Variants in TNRC6B observed in about 807,000 individuals in gnomAD.
TNRC6B encodes trinucleotide repeat-containing gene 6B protein.
TNRC6B carries 52 observed loss-of-function variants against 203.6 expected under a neutral mutation model. The ratio of observed to expected loss-of-function variants is 0.26; its 90% confidence interval spans 0.20 to 0.32. The LOEUF (loss-of-function observed/expected upper bound fraction) is 0.32, where lower values mean the gene tolerates loss of function less well. TNRC6B is among the 10% of genes least tolerant of loss of function. The pLI is 1.00. For synonymous variants in TNRC6B, 838 were observed against 845.7 expected (o/e 0.99, Z 0.16); for missense variants, 1,923 against 2,286.2 (o/e 0.84, Z 3.24).
At chr22:40,273,668 G>C in intron 7 of TNRC6B, 68 bp downstream of exon 7, 2 of 1,442,654 alleles carry the variant, frequency 1.4e-6, no homozygotes, top group South Asian at 2.9e-5. Flanking sequence ...GTTTTGTTTT[G>C]TTTGTTTTTG....
intron 12 of TNRC6B, among the ~76,000 whole-genome samples, chr22:40,290,387 TG>T (rs1299150249): frequency 3.3e-5 from 5 of 152,230 alleles, no homozygotes; most frequent in South Asian, 2.1e-4. Flanking sequence ...CCCTCGTGGC[TG>T]GTTCTCTCGC....
At chr22:40,045,144 C>T (rs1231026917) in intron 1 of TNRC6B, 1 of 144,334 alleles carries the variant, frequency 6.9e-6, no homozygotes, top group Non-Finnish European at 1.5e-5. Context: ...GTGTGCGTGT[C>T]CTCGCGAGGG....
At position 40,331,692 on chromosome 22, in the gene TNRC6B, T is replaced by A. The variant is rs906148657; in HGVS notation, c.*8451T>A. 7 of 289,686 alleles carry A rather than the reference T, an allele frequency of 2.4e-5. No homozygotes were observed. The highest frequency in any genetic ancestry group is 1.8e-4 in the Admixed American group (3 of 17,062). The allele number at this position is 289,686 out of a possible 1,614,324, so 17.9% of individuals were successfully genotyped here. ...TTTTCAAAAAAAAAAGTCCCACATGTGGTCATCGTCGCTTCTTTATGTTGT... is the reference window on the plus strand; with the variant it reads ...TTTTCAAAAAAAAAAGTCCCACATGAGGTCATCGTCGCTTCTTTATGTTGT... On this transcript the variant is annotated 3_prime_UTR_variant, in exon 23 of 23. Coordinates refer to ENST00000454349, the MANE Select transcript of TNRC6B (RefSeq NM_001162501.2).
intron 1 of TNRC6B, among the ~76,000 whole-genome samples, chr22:40,199,647 C>T (rs1386436326): frequency 1.3e-5 from 2 of 152,042 alleles, no homozygotes; most frequent in Non-Finnish European, 1.5e-5. Flanking sequence ...ATTCTGACCT[C>T]GATCTTTTTA....
chr22:40,087,822 G>A (rs1014707955), intron 1 of TNRC6B, among the ~76,000 whole-genome samples: 2 of 152,118 alleles, frequency 1.3e-5, no homozygotes, highest in Non-Finnish European at 2.9e-5. Context: ...AGCTGGAGAT[G>A]TAGGCAGGGC....
chr22:40,139,396 A>G (rs1039927571), intron 3 of TNRC6B, among the ~76,000 whole-genome samples: 1 of 144,076 alleles, frequency 6.9e-6, no homozygotes, highest in Non-Finnish European at 1.5e-5. Context: ...CAGTGGTGCG[A>G]TCCTGGCTAA....
At chr22:40,263,303 G>T (rs1030406431) in intron 4 of TNRC6B, among the ~76,000 whole-genome samples, 1 of 152,200 alleles carries the variant, frequency 6.6e-6, no homozygotes, top group African/African-American at 2.4e-5. Flanking sequence ...CCATCTTGCT[G>T]TGTGCAGAGT....
At chr22:40,313,748 C>A (rs2071219926) in intron 19 of TNRC6B, among the ~76,000 whole-genome samples, 1 of 152,246 alleles carries the variant, frequency 6.6e-6, no homozygotes, top group Non-Finnish European at 1.5e-5. Flanking sequence ...TCCTTCCCAC[C>A]TCTCTGTCAT....
chr22:40,184,277 G>T (rs969008533), intron 1 of TNRC6B, among the ~76,000 whole-genome samples: 1 of 152,172 alleles, frequency 6.6e-6, no homozygotes, highest in African/African-American at 2.4e-5. Flanking sequence ...GATGCAAGGG[G>T]CTGGCTGGTG....
In TNRC6B at chr22:40,178,630, TAG is replaced by T. The variant is rs555774252; in HGVS notation, c.5+496_5+497del. Among the ~76,000 whole-genome samples the T allele has an allele frequency of 8.5e-5, 13 of 152,306 alleles. No homozygotes were observed. The East Asian group carries it at 2.5e-3, about 29-fold the overall frequency. On this transcript the variant is annotated intron_variant, in intron 1 of 22. Coordinates refer to ENST00000454349, the MANE Select transcript of TNRC6B (RefSeq NM_001162501.2). ...ATTTTTTAAACTGGGCCCTCCTTCCTAGAGAGATGTAAAACCTAAAGTAAGAC... is the reference window on the plus strand; with the variant it reads ...ATTTTTTAAACTGGGCCCTCCTTCCTAGAGATGTAAAACCTAAAGTAAGAC...
chr22:40,170,365 TTTATATATATA>T (rs1376879872), intron 4 of TNRC6B, among the ~76,000 whole-genome samples: 1 of 80,012 alleles, frequency 1.2e-5, no homozygotes, highest in Non-Finnish European at 2.2e-5. Context: ...ATGTATATAG[TTTATATATATA>T]TTATATATAT....
At chr22:40,068,728 A>G (rs76056987) in intron 1 of TNRC6B, among the ~76,000 whole-genome samples, 1,862 of 152,026 alleles carry the variant, frequency 0.012, 45 homozygotes, top group African/African-American at 0.043. Context: ...AGTAAAAGGA[A>G]GGTTACAACA....
rs1439607030 is a variant in TNRC6B at position 40,330,126 on chromosome 22, A to C, written c.*6885A>C. ...ACTGTAAATCATTGCTTTGGAAATAAATTCCCAATTATAATTGACCCATAT... is the reference window on the plus strand; with the variant it reads ...ACTGTAAATCATTGCTTTGGAAATACATTCCCAATTATAATTGACCCATAT... On this transcript the variant is annotated 3_prime_UTR_variant, in exon 23 of 23. Transcript: ENST00000454349. 6.6e-6 allele frequency: 1 copy of C among 152,226 alleles called. No homozygotes were observed. The highest frequency in any genetic ancestry group is 2.4e-5 in the African/African-American group (1 of 41,448). 9.4% of individuals were successfully genotyped at this position (152,226 alleles called of 1,614,324 possible). A position where few individuals can be genotyped will look rare whatever the true frequency, so the allele number is the denominator to read the frequency against.
intron 7 of TNRC6B, among the ~76,000 whole-genome samples, chr22:40,275,959 CA>C (rs886303486): frequency 1.9e-4 from 26 of 136,040 alleles, no homozygotes; most frequent in African/African-American, 3.0e-4. Context: ...AACTCAGTCT[CA>C]AAAAAAAAAA....
At chr22:40,178,281 A>G (rs1007487922) in intron 1 of TNRC6B, 141 bp downstream of exon 1, 8 of 912,302 alleles carry the variant, frequency 8.8e-6, no homozygotes, top group Middle Eastern at 2.2e-4. Flanking sequence ...TGTAAATCAG[A>G]CCCGTGATGT....
At chr22:40,257,177 C>T (rs2070292597) in intron 3 of TNRC6B, among the ~76,000 whole-genome samples, 1 of 152,056 alleles carries the variant, frequency 6.6e-6, no homozygotes, top group Non-Finnish European at 1.5e-5. Context: ...ATGTTTGATA[C>T]CATTGAGATA....
At chr22:40,224,211 G>A (rs1389466597) in intron 1 of TNRC6B, among the ~76,000 whole-genome samples, 1 of 152,064 alleles carries the variant, frequency 6.6e-6, no homozygotes, top group Non-Finnish European at 1.5e-5. Context: ...CAACATGTTG[G>A]CCAGGCTGGT....
At chr22:40,294,855 G>C (rs577304104) in intron 12 of TNRC6B, among the ~76,000 whole-genome samples, 1 of 152,376 alleles carries the variant, frequency 6.6e-6, no homozygotes, top group East Asian at 1.9e-4. Context: ...AAATTGTGGA[G>C]GACGTGTTCC....
intron 1 of TNRC6B, among the ~76,000 whole-genome samples, chr22:40,055,081 T>G (rs1039371663): frequency 6.6e-6 from 1 of 152,106 alleles, no homozygotes; most frequent in African/African-American, 2.4e-5. Flanking sequence ...ATGATGACGC[T>G]CTCACTAAAC....
Sources: gnomAD v4.1 joint callset for allele counts (sites outside exome capture counted in the v4.1 genomes callset) on GRCh38, gnomAD v4.1.1 for gene constraint, MANE v1.5 for transcripts, NCBI Gene and HGNC (gene_info 2026-07-23, HGNC 2026-07-21) for gene names.